CNTNAP5: variants seen among roughly 807,000 people sequenced by gnomAD.
CNTNAP5 encodes contactin-associated protein-like 5.
Under a neutral mutation model 150.2 loss-of-function variants are expected in CNTNAP5, and 72 were observed. The ratio of observed to expected loss-of-function variants is 0.48; its 90% CI spans 0.40 to 0.58. The LOEUF (loss-of-function observed/expected upper bound fraction) is 0.58. Among genes scored for constraint, CNTNAP5 ranks in the 20% least tolerant of loss-of-function variants. The pLI is 0.00. For synonymous variants in CNTNAP5, 672 were observed against 619.8 expected (o/e 1.08, Z -1.25); for missense variants, 1,636 against 1,626.2 (o/e 1.01, Z -0.10).
chr2:124,770,456 G>C (rs1006779457), intron 16 of CNTNAP5, among the ~76,000 whole-genome samples: 2 of 152,264 alleles, frequency 1.3e-5, no homozygotes, highest in Admixed American at 1.3e-4. Flanking sequence ...TTATCCACAA[G>C]ACTAGCCTTG....
At chr2:124,713,296 T>TC (rs1679861749) in intron 13 of CNTNAP5, among the ~76,000 whole-genome samples, 30 of 128,648 alleles carry the variant, frequency 2.3e-4, no homozygotes, top group Middle Eastern at 7.8e-3. Context: ...TTTCTTTCTT[T>TC]CTTTCTTCTT....
intron 10 of CNTNAP5, 136 bp from the exon 11 acceptor site, chr2:124,563,080 AT>A (rs1695931520): frequency 1.6e-6 from 1 of 607,744 alleles, no homozygotes; most frequent in Non-Finnish European, 3.0e-6. Context: ...ATGTCATTCA[AT>A]CTGCCTTAGG....
At chr2:124,242,160 T>C in intron 2 of CNTNAP5, 40 bp from the exon 3 acceptor site, 1 of 1,480,224 alleles carries the variant, frequency 6.8e-7, no homozygotes, top group African/African-American at 1.4e-5. Context: ...ATGTGAGACA[T>C]TACTACAACT....
chr2:124,485,088 C>G (rs1477300677), intron 7 of CNTNAP5, among the ~76,000 whole-genome samples: 1 of 140,052 alleles, frequency 7.1e-6, no homozygotes, highest in Non-Finnish European at 1.5e-5. Flanking sequence ...CTCTATGTGT[C>G]AAGTTCTGAG....
intron 19 of CNTNAP5, among the ~76,000 whole-genome samples, chr2:124,811,465 A>G (rs573885546): frequency 4.6e-5 from 7 of 152,282 alleles, no homozygotes; most frequent in African/African-American, 1.4e-4. Flanking sequence ...CAGTTTTGTT[A>G]AAAGAAAATT....
intron 3 of CNTNAP5, among the ~76,000 whole-genome samples, chr2:124,264,843 G>A (rs142299908): frequency 5.3e-4 from 81 of 152,308 alleles, no homozygotes; most frequent in African/African-American, 1.2e-3. Flanking sequence ...GCTACTATGC[G>A]TGTCTACTTG....
intron 1 of CNTNAP5, among the ~76,000 whole-genome samples, chr2:124,030,084 C>A (rs948211227): frequency 1.3e-5 from 2 of 152,040 alleles, no homozygotes; most frequent in Non-Finnish European, 2.9e-5. Flanking sequence ...CTTAGTTACC[C>A]CAATGATCTT....
chr2:124,063,822 T>C (rs531776589), intron 1 of CNTNAP5, among the ~76,000 whole-genome samples: 1 of 152,134 alleles, frequency 6.6e-6, no homozygotes, highest in Admixed American at 6.5e-5. Context: ...GCACAGGACA[T>C]TCCACATTAG....
At chr2:124,897,746 G>C (rs1207337215) in intron 21 of CNTNAP5, among the ~76,000 whole-genome samples, 1 of 151,620 alleles carries the variant, frequency 6.6e-6, no homozygotes, top group Non-Finnish European at 1.5e-5. Flanking sequence ...TGAAACCTAG[G>C]TTTCAGGCCT....
At chr2:124,575,165 A>G (rs911098763) in intron 11 of CNTNAP5, among the ~76,000 whole-genome samples, 1 of 152,228 alleles carries the variant, frequency 6.6e-6, no homozygotes, top group Non-Finnish European at 1.5e-5. Flanking sequence ...TGGAGAGCCC[A>G]AGGACATTCA....
intron 2 of CNTNAP5, among the ~76,000 whole-genome samples, chr2:124,241,748 G>A (rs982940214): frequency 1.3e-5 from 2 of 152,128 alleles, no homozygotes; most frequent in South Asian, 2.1e-4. Flanking sequence ...TTCAGAGACC[G>A]AGGAGAGAGA....
At chr2:124,295,085 G>A (rs565073366) in intron 3 of CNTNAP5, among the ~76,000 whole-genome samples, 44 of 151,588 alleles carry the variant, frequency 2.9e-4, no homozygotes, top group African/African-American at 1.0e-3. Flanking sequence ...CAGCCTGGGA[G>A]ACAGAGCAAG....
chr2:124,414,065 TTGGATATAG>T (rs1403658574), intron 3 of CNTNAP5, among the ~76,000 whole-genome samples: 4 of 151,878 alleles, frequency 2.6e-5, no homozygotes, highest in African/African-American at 9.7e-5. Context: ...AGTTCCAGCA[TTGGATATAG>T]AATGCTAGAT....
At chr2:124,689,519 A>G (rs1679256442) in intron 13 of CNTNAP5, among the ~76,000 whole-genome samples, 3 of 152,120 alleles carry the variant, frequency 2.0e-5, no homozygotes, top group African/African-American at 7.2e-5. Context: ...ATACATGTGT[A>G]TGCACACATG....
chr2:124,753,074 A>G (rs1245240251), intron 14 of CNTNAP5, among the ~76,000 whole-genome samples: 6 of 152,152 alleles, frequency 3.9e-5, no homozygotes, highest in Admixed American at 6.5e-5. Flanking sequence ...AGAAGTTTTC[A>G]TTTGATTTTT....
chr2:124,055,565 G>A (rs1399868809), intron 1 of CNTNAP5, among the ~76,000 whole-genome samples: 1 of 152,112 alleles, frequency 6.6e-6, no homozygotes, highest in Non-Finnish European at 1.5e-5. Flanking sequence ...AGTGGGATAT[G>A]ATCACAGGGG....
intron 13 of CNTNAP5, among the ~76,000 whole-genome samples, chr2:124,735,352 G>GA (rs919410501): frequency 1.5e-4 from 22 of 151,258 alleles, no homozygotes; most frequent in Non-Finnish European, 2.9e-4. Context: ...TAGCTACTGA[G>GA]AAAAAATATA....
intron 1 of CNTNAP5, among the ~76,000 whole-genome samples, chr2:124,164,545 G>A (rs1393008797): frequency 6.6e-6 from 1 of 152,056 alleles, no homozygotes; most frequent in Non-Finnish European, 1.5e-5. Context: ...ACCTAAATAA[G>A]GTGAAAAAGT....
At position 124,526,024 on chromosome 2, in the gene CNTNAP5, G is replaced by T. The variant is rs147462620; in HGVS notation, c.1478-1261G>T. On this transcript the variant is annotated intron_variant, in intron 9 of 23. Coordinates refer to ENST00000682447, the MANE Select transcript of CNTNAP5 (RefSeq NM_001367498.1). ...CAGACCGAATAATTTTGCATCTTAT[G>T]CAATATTTCAGCATCAGAGGAAAAA... Among the ~76,000 whole-genome samples the T allele has an allele frequency of 2.0e-3, 308 of 152,280 alleles. 3 individuals are homozygous for T. The highest frequency in any genetic ancestry group is 6.9e-3 in the African/African-American group (285 of 41,562).
Sources: allele counts gnomAD v4.1 joint callset (sites outside exome capture counted in the v4.1 genomes callset), GRCh38; gene constraint gnomAD v4.1.1; transcripts MANE v1.5; gene names NCBI Gene and HGNC (gene_info 2026-07-23, HGNC 2026-07-21).